PGAP2: variants seen among roughly 807,000 people sequenced by gnomAD.
PGAP2 encodes acyltransferase PGAP2.
A neutral mutation model predicts 33.2 loss-of-function variants in PGAP2; 21 were observed. The observed-to-expected ratio is 0.63, with a 90% CI of 0.45 to 0.91. PGAP2 has a LOEUF of 0.91. Among genes scored for constraint, PGAP2 ranks in the 40% least tolerant of loss-of-function variants. PGAP2 has a pLI of 0.00. For synonymous variants in PGAP2, 161 were observed against 172.9 expected, an observed-to-expected ratio of 0.93 and a Z score of 0.54; for missense variants, 345 against 424.0, an observed-to-expected ratio of 0.81 and a Z score of 1.64.
upstream of PGAP2, among the ~76,000 whole-genome samples, chr11:3,807,062 G>A (rs1179728337): frequency 1.3e-5 from 2 of 150,918 alleles, no homozygotes; most frequent in Non-Finnish European, 3.0e-5. Flanking sequence ...AAGGCCAGGC[G>A]CGGTGGCTTA....
intron 1 of PGAP2, among the ~76,000 whole-genome samples, chr11:3,799,269 G>A (rs2083106260): frequency 6.6e-6 from 1 of 152,222 alleles, no homozygotes; most frequent in Non-Finnish European, 1.5e-5. Context: ...CCGGGCTGGT[G>A]GCTCATGCCT....
At chr11:3,800,259 T>G (rs2083253564) in intron 1 of PGAP2, among the ~76,000 whole-genome samples, 1 of 152,182 alleles carries the variant, frequency 6.6e-6, no homozygotes, top group African/African-American at 2.4e-5. Flanking sequence ...GAACATTTGA[T>G]TTCTTGCCCT....
chr11:3,798,712 C>T (rs2082979474), intron 1 of PGAP2, among the ~76,000 whole-genome samples: 1 of 150,202 alleles, frequency 6.7e-6, no homozygotes, highest in South Asian at 2.1e-4. Context: ...GGCACGATCT[C>T]GGCTCACTGC....
rs763936135 is a variant in PGAP2, at chr11:3,824,122, C to T, written c.588C>T (p.Ser196=). Residue 196 remains serine, a synonymous_variant, in exon 4 of 7, where the codon TCC becomes TCT. Transcript: ENST00000278243. ...TGCTAGTGCTCACTTATGTCTCCTC[C>T]TCCGAGGACTTCAGTGGGTGCCTGG... ...LALLVLTYVS[S]SEDFTIHENA... 1.2e-5 allele frequency: 20 copies of T among 1,613,972 alleles called. No homozygotes were observed. The East Asian group carries it at 4.0e-4, about 32-fold the overall frequency.
intron 1 of PGAP2, among the ~76,000 whole-genome samples, chr11:3,798,894 C>T (rs1039465377): frequency 9.9e-5 from 15 of 152,144 alleles, no homozygotes; most frequent in Non-Finnish European, 5.9e-5. Flanking sequence ...CCGCCCGCCT[C>T]GGCCTCCCAC....
At chr11:3,817,260 TTA>T (rs2087253418) in intron 2 of PGAP2, 91 bp from the exon 3 acceptor site, 12 of 956,906 alleles carry the variant, frequency 1.3e-5, no homozygotes, top group Non-Finnish European at 1.9e-5. Context: ...TGGCTTTTCC[TTA>T]TACTCTGAGG....
chr11:3,809,317 A>G (rs1324898837), intron 1 of PGAP2, among the ~76,000 whole-genome samples: 1 of 152,204 alleles, frequency 6.6e-6, no homozygotes, highest in East Asian at 1.9e-4. Flanking sequence ...GTGGAGTAGA[A>G]TGACCAAGTT....
At chr11:3,798,675 C>T (rs185885204) in intron 1 of PGAP2, among the ~76,000 whole-genome samples, 1 of 139,232 alleles carries the variant, frequency 7.2e-6, no homozygotes, top group East Asian at 2.1e-4. Context: ...TGCTCTGTCT[C>T]CTCTTTCTCC....
chr11:3,823,930 G>T lies in PGAP2; in HGVS notation c.396G>T (p.Val132=). The T allele has an allele frequency of 1.4e-5, 23 of 1,603,566 alleles. No homozygotes were observed. Among genetic ancestry groups the T allele is most frequent in the Non-Finnish European group, 1.9e-5 (23 of 1,179,902 alleles). ...PSVSSAIGGE[V]PQRYVWRFCI... ...TGAGCTCAGCCATCGGCGGGGAGGT[G>T]CCCCAGCGCTACGTGTGGCGTTTCT... Residue 132 remains valine (V), a synonymous_variant, in exon 4 of 7, where the codon GTG becomes GTT. Coordinates refer to ENST00000278243, the MANE Select transcript of PGAP2 (RefSeq NM_014489.4).
chr11:3,813,479 G>T (rs1565006211), intron 2 of PGAP2, among the ~76,000 whole-genome samples: 2 of 152,290 alleles, frequency 1.3e-5, no homozygotes. Context: ...AACCACCAGG[G>T]CACAAGTAAT....
At position 3,825,332 on chromosome 11, in the gene PGAP2, C is replaced by T. The variant is rs1285628310; in HGVS notation, c.822C>T (p.Tyr274=). The T allele has an allele frequency of 4.3e-6, 7 of 1,613,378 alleles. No homozygotes were observed. The African/African-American group carries it at 5.3e-5, about 12-fold the overall frequency. ...RHNMYCEAGV[Y]TIFAILEYTV... Reference sequence around the variant, plus strand: ...TTCCTTGTGTCCTCACAACAGTGTACACCATCTTTGCCATCCTGGAGTACA... The same window carrying T: ...TTCCTTGTGTCCTCACAACAGTGTATACCATCTTTGCCATCCTGGAGTACA... The change falls in exon 7 of 7, where the codon TAC becomes TAT. Residue 274 remains tyrosine, a synonymous_variant. Transcript: ENST00000278243.
Position 3,815,748 on chromosome 11 carries a change from CA to C in PGAP2, c.166-1604del, listed in dbSNP as rs370695085. Among the ~76,000 whole-genome samples the C allele has an allele frequency of 7.4e-4, 113 of 152,332 alleles. 1 individual carries two copies. The highest frequency in any genetic ancestry group is 2.5e-3 in the African/African-American group (104 of 41,578). ...CCTGGCTGTTAGACCTCTGTTGAGG[CA>C]GCCTGAGCTGCTATTAGCTGTTTCT... is the stretch of plus-strand genomic sequence containing the variant. On this transcript the variant is annotated intron_variant, in intron 2 of 6. Transcript: ENST00000278243.
chr11:3,809,819 C>T (rs2085171788), intron 1 of PGAP2, among the ~76,000 whole-genome samples: 1 of 152,172 alleles, frequency 6.6e-6, no homozygotes. Flanking sequence ...GAGCAGGCTG[C>T]CTGATCAGGT....
chr11:3,823,381 A>G (rs1387230603), intron 3 of PGAP2, among the ~76,000 whole-genome samples: 3 of 151,972 alleles, frequency 2.0e-5, no homozygotes, highest in African/African-American at 7.3e-5. Context: ...CCATTCTACC[A>G]CCTTGGCACA....
intron 3 of PGAP2, among the ~76,000 whole-genome samples, chr11:3,820,870 G>A (rs986543660): frequency 4.6e-5 from 7 of 152,136 alleles, no homozygotes; most frequent in Non-Finnish European, 7.4e-5. Context: ...TGCAAGGTAG[G>A]TGGTGTTATA....
upstream of PGAP2, among the ~76,000 whole-genome samples, chr11:3,806,332 T>C (rs77939424): frequency 0.027 from 4,160 of 152,082 alleles, 197 homozygotes; most frequent in African/African-American, 0.094. Context: ...GTAGTTCTTT[T>C]TGTAAAGTTT....
upstream of PGAP2, among the ~76,000 whole-genome samples, chr11:3,806,047 C>G (rs2084277642): frequency 6.6e-6 from 1 of 152,024 alleles, no homozygotes; most frequent in Non-Finnish European, 1.5e-5. Flanking sequence ...AGGCTCAGGG[C>G]TATATGGAGA....
intron 6 of PGAP2, 96 bp downstream of exon 6, chr11:3,825,224 A>C: frequency 1.3e-6 from 2 of 1,561,640 alleles, no homozygotes; most frequent in Non-Finnish European, 1.8e-6. Flanking sequence ...ACTGGCTGCC[A>C]TTGTGTTCTC....
At chr11:3,797,915 C>G in exon 1 of PGAP2, 7 of 1,548,176 alleles carry the variant, frequency 4.5e-6, no homozygotes, top group Non-Finnish European at 6.1e-6. Flanking sequence ...CCGCCCCCTT[C>G]CTTGGAGCGC....
Sources: allele counts gnomAD v4.1 joint callset (sites outside exome capture counted in the v4.1 genomes callset), GRCh38; gene constraint gnomAD v4.1.1; transcripts MANE v1.5; gene names NCBI Gene and HGNC (gene_info 2026-07-23, HGNC 2026-07-21).